Variants in EFEMP1 observed in about 807,000 individuals in gnomAD.
EFEMP1 encodes EGF-containing fibulin-like extracellular matrix protein 1.
In EFEMP1, 18 loss-of-function variants were observed where a neutral mutation model predicts 65.7. That is an observed-to-expected ratio of 0.27 (90% confidence interval 0.19 to 0.41). The LOEUF is 0.41. Ranked by LOEUF, EFEMP1 falls within the 10% of genes least tolerant of loss-of-function variation. EFEMP1 has a pLI of 1.00. For synonymous variants in EFEMP1, 237 were observed against 219.7 expected (o/e 1.08, Z -0.70); for missense variants, 469 against 624.8 (o/e 0.75, Z 2.66).
At position 55,883,921 on chromosome 2, in the gene EFEMP1, C is replaced by T. The variant is rs1239537076; in HGVS notation, c.518-2187G>A. ...ACAAACAACAACAAAAAACAAATAC[C>T]ACTGTGCTCACTGCCACTACTTTCC... is the stretch of plus-strand genomic sequence containing the variant. On this transcript the variant is annotated intron_variant, in intron 5 of 11. Transcript: ENST00000355426. This position sits in a 1 kb window ranked among gnomAD's most constrained non-coding sequence, Gnocchi z 4.5. Among the ~76,000 whole-genome samples, 1 of 152,032 alleles carries T rather than the reference C, an allele frequency of 6.6e-6. No homozygotes were observed. Among genetic ancestry groups the T allele is most frequent in the Non-Finnish European group, 1.5e-5 (1 of 67,992 alleles).
At position 55,909,509 on chromosome 2, in the gene EFEMP1, C is replaced by T. The variant is rs115867634; in HGVS notation, c.517+8156G>A. On this transcript the variant is annotated intron_variant, in intron 5 of 11. Coordinates refer to ENST00000355426, the MANE Select transcript of EFEMP1 (RefSeq NM_001039348.3). ...CATTCTAGGACAGATGGAATGTGGACATGATACAATGCTTCTCACTTGTTC... is the reference window on the plus strand; with the variant it reads ...CATTCTAGGACAGATGGAATGTGGATATGATACAATGCTTCTCACTTGTTC... Among the ~76,000 whole-genome samples the T allele has an allele frequency of 3.0e-3, 454 of 152,260 alleles. 2 individuals are homozygous for T. The highest frequency in any genetic ancestry group is 0.011 in the African/African-American group (441 of 41,550).
rs1034804118 is a variant in EFEMP1 at position 55,885,905 on chromosome 2, C to T, written c.518-4171G>A. ...TTTCCCAAACCCCTGACTCATGCTG[C>T]TTTCTCTCTCTTATGCAACATTTTA... On this transcript the variant is annotated intron_variant, in intron 5 of 11. Coordinates refer to ENST00000355426, the MANE Select transcript of EFEMP1 (RefSeq NM_001039348.3). The surrounding 1 kb of genome is among the most constrained non-coding windows in gnomAD (Gnocchi z 4.3). 2.6e-5 allele frequency among the ~76,000 whole-genome samples: 4 copies of T among 152,168 alleles called. No homozygotes were observed. Among genetic ancestry groups the T allele is most frequent in the East Asian group, 1.9e-4 (1 of 5,190 alleles).
chr2:55,909,468 A>T (rs183632787), intron 5 of EFEMP1, among the ~76,000 whole-genome samples: 3 of 152,034 alleles, frequency 2.0e-5, no homozygotes, highest in African/African-American at 7.2e-5. Context: ...GTTTCTGGGG[A>T]CCTCTCCTGG....
chr2:55,896,453 A>C (rs1300183986), intron 5 of EFEMP1, among the ~76,000 whole-genome samples: 1 of 152,198 alleles, frequency 6.6e-6, no homozygotes, highest in African/African-American at 2.4e-5. Context: ...ATGGCCTGAA[A>C]CGATGCATTA....
chr2:55,888,629 A>T (rs2104403868), intron 5 of EFEMP1, among the ~76,000 whole-genome samples: 1 of 152,138 alleles, frequency 6.6e-6, no homozygotes, highest in African/African-American at 2.4e-5. Context: ...TCTTAAACTT[A>T]ATTATTAATT....
Position 55,870,643 on chromosome 2 carries a change from C to G in EFEMP1, c.1320+77G>C. ...GCTTTCCTTCCACATGTGGATACCA[C>G]ACAACAACAACAACAACAACAACAA... is the stretch of plus-strand genomic sequence containing the variant. On this transcript the variant is annotated intron_variant, in intron 11 of 11. Transcript: ENST00000355426. This position sits in a 1 kb window ranked among gnomAD's most constrained non-coding sequence, Gnocchi z 5.8. 2 of 1,548,106 alleles carry G rather than the reference C, an allele frequency of 1.3e-6. No individual in the cohort carries two copies. The highest frequency in any genetic ancestry group is 1.8e-6 in the Non-Finnish European group (2 of 1,126,720).
At chr2:55,911,568 T>C (rs1422512390) in intron 5 of EFEMP1, among the ~76,000 whole-genome samples, 1 of 152,138 alleles carries the variant, frequency 6.6e-6, no homozygotes, top group Non-Finnish European at 1.5e-5. Context: ...AACAGTATAA[T>C]CCCAGAACCA....
At chr2:55,895,339 T>C (rs994148783) in intron 5 of EFEMP1, among the ~76,000 whole-genome samples, 2 of 152,200 alleles carry the variant, frequency 1.3e-5, no homozygotes, top group Admixed American at 1.3e-4. Context: ...ATCAGTGCCA[T>C]CTTACATGGC....
At chr2:55,918,384 G>T in intron 3 of EFEMP1, 117 bp from the exon 4 acceptor site, 8 of 1,180,610 alleles carry the variant, frequency 6.8e-6, no homozygotes, top group Non-Finnish European at 1.0e-5. Flanking sequence ...TAAAGTCCTA[G>T]ATATATGATG....
Position 55,877,120 on chromosome 2 carries a change from A to G in EFEMP1, c.761-378T>C, listed in dbSNP as rs1049729922. ...AATGCCAATTCTATAAATAATTGAT[A>G]TAAGACACTTATACTGATATGGTCT... On this transcript the variant is annotated intron_variant, in intron 7 of 11. Transcript: ENST00000355426. The surrounding 1 kb of genome is among the most constrained non-coding windows in gnomAD (Gnocchi z 4.5). Among the ~76,000 whole-genome samples the G allele has an allele frequency of 3.3e-5, 5 of 152,196 alleles. No individual in the cohort carries two copies. The highest frequency in any genetic ancestry group is 1.2e-4 in the African/African-American group (5 of 41,448).
intron 6 of EFEMP1, among the ~76,000 whole-genome samples, chr2:55,881,387 C>T (rs1669233421): frequency 6.6e-6 from 1 of 152,188 alleles, no homozygotes; most frequent in African/African-American, 2.4e-5. Context: ...CAAATTTCTG[C>T]TCTTGCTTCG....
intron 8 of EFEMP1, 40 bp from the exon 9 acceptor site, chr2:55,875,105 GTTTGTGCACCACTAC>G (rs1668974781): frequency 6.6e-7 from 1 of 1,521,286 alleles, no homozygotes; most frequent in Non-Finnish European, 8.9e-7. Flanking sequence ...GAGTTGAAAA[GTTTGTGCACCACTAC>G]TTTGGATATA....
At position 55,885,028 on chromosome 2, in the gene EFEMP1, A is replaced by G. The variant is rs139975563; in HGVS notation, c.518-3294T>C. 9.3e-4 allele frequency among the ~76,000 whole-genome samples: 141 copies of G among 152,342 alleles called. No homozygotes were observed. In the Middle Eastern group the frequency reaches 0.02, roughly 22 times the overall value. ...TTTTACCTAATGGAGCTAAAAATGT[A>G]TGAAGCAGAGTAACAAGGTATATCT... On this transcript the variant is annotated intron_variant, in intron 5 of 11. Transcript: ENST00000355426. This position sits in a 1 kb window ranked among gnomAD's most constrained non-coding sequence, Gnocchi z 4.3.
At chr2:55,912,695 T>C (rs1164557845) in intron 5 of EFEMP1, among the ~76,000 whole-genome samples, 1 of 152,200 alleles carries the variant, frequency 6.6e-6, no homozygotes, top group African/African-American at 2.4e-5. Flanking sequence ...CAAATATGTA[T>C]TTTTTAGTGT....
chr2:55,903,631 T>C (rs1572832633), intron 5 of EFEMP1, among the ~76,000 whole-genome samples: 2 of 152,152 alleles, frequency 1.3e-5, no homozygotes, highest in Admixed American at 1.3e-4. Context: ...ACACAGGAGA[T>C]TCTAAAAAAC....
rs1670911886 is a variant in EFEMP1 at position 55,921,733 on chromosome 2, A to G, written c.81+627T>C. Among the ~76,000 whole-genome samples, 1 of 152,240 alleles carries G rather than the reference A, an allele frequency of 6.6e-6. No homozygotes were observed. The highest frequency in any genetic ancestry group is 1.5e-5 in the Non-Finnish European group (1 of 68,038). On this transcript the variant is annotated intron_variant, in intron 3 of 11. Transcript: ENST00000355426. This position sits in a 1 kb window ranked among gnomAD's most constrained non-coding sequence, Gnocchi z 4.1. ...TAATCAAATATTACTTGGAAATATC[A>G]GAGACGCTAATTAGAAAATGCAAAA...
At chr2:55,899,664 G>GAA (rs1669959137) in intron 5 of EFEMP1, among the ~76,000 whole-genome samples, 1 of 152,118 alleles carries the variant, frequency 6.6e-6, no homozygotes, top group Admixed American at 6.5e-5. Flanking sequence ...TCTCTCAGTT[G>GAA]AGCCCTGTGT....
At chr2:55,889,319 G>T (rs1013948490) in intron 5 of EFEMP1, among the ~76,000 whole-genome samples, 2 of 152,176 alleles carry the variant, frequency 1.3e-5, no homozygotes, top group Non-Finnish European at 2.9e-5. Context: ...ACTAAATTTG[G>T]TGAGTGTAAC....
intron 3 of EFEMP1, among the ~76,000 whole-genome samples, chr2:55,920,681 T>C (rs1365279670): frequency 2.0e-5 from 3 of 152,240 alleles, no homozygotes; most frequent in Non-Finnish European, 4.4e-5. Context: ...TAAGTAAGCC[T>C]AGACTGAGTT....
Sources: gnomAD v4.1 joint callset for allele counts (sites outside exome capture counted in the v4.1 genomes callset) on GRCh38, gnomAD v4.1.1 for gene constraint, Gnocchi (gnomAD v3.1) non-coding constraint, MANE v1.5 for transcripts, NCBI Gene and HGNC (gene_info 2026-07-23, HGNC 2026-07-21) for gene names.